Variants in BTBD9 observed in about 807,000 individuals in gnomAD.
The protein encoded by BTBD9 is BTB/POZ domain-containing protein 9.
BTBD9 carries 49 observed loss-of-function variants against 64.3 expected under a neutral mutation model. That is an observed-to-expected ratio of 0.76 (90% CI 0.61 to 0.97). The LOEUF is 0.97. Among genes scored for constraint, BTBD9 ranks in the 50% least tolerant of loss-of-function variants. The pLI is 0.00. For synonymous variants in BTBD9, 260 were observed against 274.7 expected (o/e 0.95, Z 0.53); for missense variants, 598 against 762.1 (o/e 0.78, Z 2.53).
At chr6:38,420,658 C>A (rs1188919641) in intron 6 of BTBD9, among the ~76,000 whole-genome samples, 1 of 151,920 alleles carries the variant, frequency 6.6e-6, no homozygotes, top group Non-Finnish European at 1.5e-5. Flanking sequence ...GAAATAAAGA[C>A]CATCCTGGCC....
chr6:38,489,804 G>A (rs1178883851), intron 6 of BTBD9, among the ~76,000 whole-genome samples: 8 of 152,072 alleles, frequency 5.3e-5, no homozygotes, highest in Non-Finnish European at 1.0e-4. Context: ...AATGTCACAC[G>A]TCCTATTCCC....
intron 6 of BTBD9, among the ~76,000 whole-genome samples, chr6:38,401,292 C>A (rs1766916618): frequency 6.6e-6 from 1 of 152,158 alleles, no homozygotes; most frequent in African/African-American, 2.4e-5. Flanking sequence ...GTAAAATGTG[C>A]CTTGCTTCCT....
chr6:38,630,524 G>A (rs1778327326), intron 1 of BTBD9, among the ~76,000 whole-genome samples: 1 of 152,320 alleles, frequency 6.6e-6, no homozygotes, highest in African/African-American at 2.4e-5. Flanking sequence ...AGGAGAGAGA[G>A]AAGGATAAAA....
rs80177741 is a variant in BTBD9, at chr6:38,360,078, A to T, written c.1155-14985T>A. ...TTGGATAATTATATACTGTGCTTTAACGTTTTTACAGCTTAAATTAAAGAA... is the reference window on the plus strand; with the variant it reads ...TTGGATAATTATATACTGTGCTTTATCGTTTTTACAGCTTAAATTAAAGAA... On this transcript the variant is annotated intron_variant, in intron 6 of 10. Transcript: ENST00000481247. Among the ~76,000 whole-genome samples the T allele has an allele frequency of 4.9e-4, 75 of 152,354 alleles. 1 individual carries two copies. Among genetic ancestry groups the T allele is most frequent in the Admixed American group, 2.4e-3 (36 of 15,310 alleles).
At chr6:38,203,516 G>A (rs765280573) in intron 9 of BTBD9, among the ~76,000 whole-genome samples, 1 of 152,172 alleles carries the variant, frequency 6.6e-6, no homozygotes, top group Non-Finnish European at 1.5e-5. Flanking sequence ...ATCAATGGAC[G>A]TAAGGGTAAA....
At chr6:38,550,859 A>G (rs1213859410) in intron 6 of BTBD9, among the ~76,000 whole-genome samples, 4 of 152,042 alleles carry the variant, frequency 2.6e-5, no homozygotes, top group Non-Finnish European at 5.9e-5. Context: ...GTGGCTGTCA[A>G]TCTCACTCAA....
At chr6:38,329,953 CA>C (rs1197419490) in intron 7 of BTBD9, among the ~76,000 whole-genome samples, 1 of 151,036 alleles carries the variant, frequency 6.6e-6, no homozygotes, top group South Asian at 2.1e-4. Context: ...AATTCCATCT[CA>C]AAAAAAAGAA....
At chr6:38,247,536 C>A (rs1252472489) in intron 9 of BTBD9, among the ~76,000 whole-genome samples, 1 of 152,150 alleles carries the variant, frequency 6.6e-6, no homozygotes, top group Admixed American at 6.5e-5. Context: ...GAGAAGCTTC[C>A]CAACATTAGG....
intron 6 of BTBD9, among the ~76,000 whole-genome samples, chr6:38,439,261 T>C (rs1186425390): frequency 1.3e-5 from 2 of 151,710 alleles, no homozygotes; most frequent in Non-Finnish European, 2.9e-5. Context: ...GTAGCTGGGA[T>C]TACAGGCGTG....
intron 7 of BTBD9, among the ~76,000 whole-genome samples, chr6:38,338,557 A>C (rs1207210773): frequency 6.6e-6 from 1 of 152,142 alleles, no homozygotes; most frequent in African/African-American, 2.4e-5. Flanking sequence ...GGTTAAAGAA[A>C]CCATAATTTT....
At chr6:38,524,327 A>G (rs1048106303) in intron 6 of BTBD9, among the ~76,000 whole-genome samples, 1 of 152,142 alleles carries the variant, frequency 6.6e-6, no homozygotes, top group Non-Finnish European at 1.5e-5. Flanking sequence ...TAATTATTAC[A>G]TATTATGAAA....
intron 7 of BTBD9, among the ~76,000 whole-genome samples, chr6:38,314,352 C>A (rs1762958591): frequency 6.6e-6 from 1 of 151,848 alleles, no homozygotes. Flanking sequence ...CCCGCCACTA[C>A]ACCCGGCTAA....
chr6:38,487,675 G>C (rs1268553002), intron 6 of BTBD9, among the ~76,000 whole-genome samples: 2 of 149,906 alleles, frequency 1.3e-5, no homozygotes, highest in Non-Finnish European at 3.0e-5. Flanking sequence ...GAGAAGAAAA[G>C]AGAAGAAAGG....
rs376168767 is a variant in BTBD9, at chr6:38,256,542, T to C, written c.1455-26A>G. 4 of 1,509,884 alleles carry C rather than the reference T, an allele frequency of 2.6e-6. No individual in the cohort carries two copies. The Admixed American group carries it at 6.7e-5, about 25-fold the overall frequency. The allele number at this position is 1,509,884 out of a possible 1,614,324, so 93.5% of individuals were successfully genotyped here. Reference sequence around the variant, plus strand: ...CTGAACAAAGGGAAAAACATAAGATTGCTGTAAATGTTTTAACTGGTTGTT... The same window carrying C: ...CTGAACAAAGGGAAAAACATAAGATCGCTGTAAATGTTTTAACTGGTTGTT... On this transcript the variant is annotated intron_variant, in intron 8 of 10. Transcript: ENST00000481247.
intron 6 of BTBD9, among the ~76,000 whole-genome samples, chr6:38,356,102 T>G (rs79348037): frequency 6.6e-6 from 1 of 151,978 alleles, no homozygotes; most frequent in Non-Finnish European, 1.5e-5. Context: ...TCTTTTTTTT[T>G]AAAAAACCAT....
chr6:38,427,296 C>A (rs550461594), intron 6 of BTBD9, among the ~76,000 whole-genome samples: 7 of 151,734 alleles, frequency 4.6e-5, no homozygotes, highest in African/African-American at 7.3e-5. Flanking sequence ...TTGAGACCAG[C>A]CTGGGCAACA....
In BTBD9 at chr6:38,494,836, T is replaced by C. The variant is rs939408196; in HGVS notation, c.1154+82764A>G. ...ACTCCTATTCTTGAAAAGACATTGA[T>C]TTCTCACAATGAAAAGAGATCATAA... On this transcript the variant is annotated intron_variant, in intron 6 of 10. Coordinates refer to ENST00000481247, the MANE Select transcript of BTBD9 (RefSeq NM_001099272.2). Among the ~76,000 whole-genome samples, 4 of 152,324 alleles carry C rather than the reference T, an allele frequency of 2.6e-5. No homozygotes were observed. In the East Asian group the frequency reaches 5.8e-4, roughly 22 times the overall value.
intron 6 of BTBD9, among the ~76,000 whole-genome samples, chr6:38,397,725 A>C (rs950797803): frequency 1.3e-5 from 2 of 152,118 alleles, no homozygotes; most frequent in Non-Finnish European, 2.9e-5. Flanking sequence ...ACAAACAAAC[A>C]CATTAAGAAT....
intron 6 of BTBD9, among the ~76,000 whole-genome samples, chr6:38,358,443 A>G (rs971997375): frequency 6.6e-6 from 1 of 152,190 alleles, no homozygotes; most frequent in Non-Finnish European, 1.5e-5. Context: ...ATAGAGTGCC[A>G]AAGTAGGAGA....
Sources: allele counts gnomAD v4.1 joint callset (sites outside exome capture counted in the v4.1 genomes callset), GRCh38; gene constraint gnomAD v4.1.1; transcripts MANE v1.5; gene names NCBI Gene and HGNC (gene_info 2026-07-23, HGNC 2026-07-21).